Variants in RFX1 observed in about 807,000 individuals in gnomAD.
RFX1 encodes regulatory factor X1.
In RFX1, 42 loss-of-function variants were observed where a neutral mutation model predicts 119.6. The ratio of observed to expected loss-of-function variants is 0.35; its 90% CI spans 0.27 to 0.45. RFX1 has a LOEUF of 0.45. RFX1 is among the 20% of genes least tolerant of loss of function. The pLI, the probability that RFX1 is intolerant of heterozygous loss-of-function variation, is 1.00. For synonymous variants in RFX1, 628 were observed against 618.5 expected, an observed-to-expected ratio of 1.02 and a Z score of -0.23; for missense variants, 1,118 against 1,368.1, an observed-to-expected ratio of 0.82 and a Z score of 2.88.
chr19:13,981,023 AT>A (rs1974414960), intron 5 of RFX1, among the ~76,000 whole-genome samples: 2 of 152,292 alleles, frequency 1.3e-5, no homozygotes, highest in East Asian at 3.9e-4. Flanking sequence ...CTGGTGTGAT[AT>A]TGGGCCGACT....
At chr19:13,963,330 TCCCCCTCCCCGCTGCGATG>T in intron 18 of RFX1, 55 bp from the exon 19 acceptor site, 1 of 1,548,580 alleles carries the variant, frequency 6.5e-7, no homozygotes, top group East Asian at 2.4e-5. Context: ...CGACCCCCTC[TCCCCCTCCCCGCTGCGATG>T]CGCCCGGGCC....
At chr19:13,981,519 C>A (rs139977258) in intron 5 of RFX1, among the ~76,000 whole-genome samples, 6 of 152,296 alleles carry the variant, frequency 3.9e-5, no homozygotes, top group African/African-American at 1.4e-4. Context: ...TCGCTTGAAC[C>A]CAGGAGTCGG....
intron 2 of RFX1, among the ~76,000 whole-genome samples, chr19:13,987,144 C>A (rs539306190): frequency 6.6e-6 from 1 of 152,230 alleles, no homozygotes; most frequent in Non-Finnish European, 1.5e-5. Flanking sequence ...GCCCCTCCTT[C>A]GGGGCGGCCC....
intron 2 of RFX1, among the ~76,000 whole-genome samples, chr19:13,984,657 G>C (rs1428577561): frequency 1.3e-5 from 2 of 152,160 alleles, no homozygotes; most frequent in Non-Finnish European, 2.9e-5. Context: ...AGAGGCCGAG[G>C]TGGGGCTGGG....
intron 8 of RFX1, among the ~76,000 whole-genome samples, chr19:13,973,966 A>T (rs553683727): frequency 5.9e-5 from 9 of 151,504 alleles, no homozygotes; most frequent in Admixed American, 1.3e-4. Context: ...AAAAAAAAAT[A>T]CCGAAGGGTT....
rs751876803 is a variant in RFX1 at position 13,963,009 on chromosome 19, G to T, written c.2755C>A (p.Leu919Met). Residue 919 changes from leucine (L) to methionine (M), a missense_variant, in exon 20 of 21, where the codon CTG (leucine) becomes ATG (methionine). Leu to Met is a conservative substitution (Grantham distance 15, BLOSUM62 2). Coordinates refer to ENST00000254325, the MANE Select transcript of RFX1 (RefSeq NM_002918.5). ...FANLATSLNP[L>M]DPDKDEEEEE... ...CCTCGCCTACCTTTGTCGGGGTCCA[G>T]GGGGTTCAGGGAGGTGGCCAGATTG... is the stretch of plus-strand genomic sequence containing the variant. 1 of 1,552,786 alleles carries T rather than the reference G, an allele frequency of 6.4e-7. No homozygotes were observed. The highest frequency in any genetic ancestry group is 8.7e-7 in the Non-Finnish European group (1 of 1,147,706).
At chr19:13,998,012 CGG>C (rs1023897964) in intron 1 of RFX1, 3 of 152,240 alleles carry the variant, frequency 2.0e-5, no homozygotes, top group African/African-American at 7.2e-5. Context: ...TGGCCCAGCT[CGG>C]GTACTCAAGT....
chr19:14,005,884 T>G (rs1414808639), intron 1 of RFX1, among the ~76,000 whole-genome samples: 3 of 150,478 alleles, frequency 2.0e-5, no homozygotes, highest in African/African-American at 7.4e-5. Flanking sequence ...GCCGCGGGCC[T>G]GCGAGCGCCC....
intron 1 of RFX1, among the ~76,000 whole-genome samples, chr19:13,995,976 TG>T (rs1238340799): frequency 7.9e-5 from 12 of 151,676 alleles, no homozygotes; most frequent in African/African-American, 2.9e-4. Context: ...TGCAGAGAGC[TG>T]TGAGCCGAGA....
intron 2 of RFX1, among the ~76,000 whole-genome samples, chr19:13,987,579 C>T (rs1376972240): frequency 6.6e-6 from 1 of 151,968 alleles, no homozygotes; most frequent in Non-Finnish European, 1.5e-5. Context: ...CCCGGCCACC[C>T]TTAGATGAGG....
intron 20 of RFX1, 55 bp downstream of exon 20, chr19:13,962,939 C>T: frequency 1.3e-6 from 2 of 1,547,502 alleles, no homozygotes; most frequent in Admixed American, 2.0e-5. Flanking sequence ...CCGAGCCCCT[C>T]CGTTGTCCGC....
Position 13,990,488 on chromosome 19 carries a change from C to T in RFX1, c.319+3037G>A, listed in dbSNP as rs1320017967. On this transcript the variant is annotated intron_variant, in intron 2 of 20. Coordinates refer to ENST00000254325, the MANE Select transcript of RFX1 (RefSeq NM_002918.5). The surrounding 1 kb of genome is among the most constrained non-coding windows in gnomAD (Gnocchi z 4.1). ...TTGAGGCCAGGAGTTCAAGACCAGCCTGGGCAACATAGTGAGACTCTGTCT... is the reference window on the plus strand; with the variant it reads ...TTGAGGCCAGGAGTTCAAGACCAGCTTGGGCAACATAGTGAGACTCTGTCT... Among the ~76,000 whole-genome samples, 1 of 151,438 alleles carries T rather than the reference C, an allele frequency of 6.6e-6. No individual in the cohort carries two copies. The highest frequency in any genetic ancestry group is 1.5e-5 in the Non-Finnish European group (1 of 67,836).
At position 13,980,260 on chromosome 19, in the gene RFX1, C is replaced by T. The variant is rs562105841; in HGVS notation, c.738+313G>A. Among the ~76,000 whole-genome samples, 14 of 152,224 alleles carry T rather than the reference C, an allele frequency of 9.2e-5. No homozygotes were observed. The East Asian group carries it at 2.3e-3, about 25-fold the overall frequency. On this transcript the variant is annotated intron_variant, in intron 6 of 20. Transcript: ENST00000254325. The surrounding 1 kb of genome is among the most constrained non-coding windows in gnomAD (Gnocchi z 5.1). ...TCCCCAGAAGGAGCCAGGATGTGGC[C>T]TCGGGGCTTCCTTCAGGCAAATGGG...
At chr19:14,004,643 A>G (rs1393728453) in intron 1 of RFX1, among the ~76,000 whole-genome samples, 1 of 152,162 alleles carries the variant, frequency 6.6e-6, no homozygotes, top group African/African-American at 2.4e-5. Context: ...AGGCCTAGAA[A>G]AAGTACCTGG....
At chr19:14,002,367 C>G (rs1975245789) in intron 1 of RFX1, among the ~76,000 whole-genome samples, 1 of 150,518 alleles carries the variant, frequency 6.6e-6, no homozygotes. Context: ...CATCTGTAAT[C>G]CCAGCTACTC....
intron 7 of RFX1, 111 bp from the exon 8 acceptor site, chr19:13,978,197 C>G: frequency 1.4e-6 from 1 of 718,750 alleles, no homozygotes; most frequent in Non-Finnish European, 2.3e-6. Context: ...GCTCCCGGAC[C>G]CAAGGGTGGC....
chr19:13,964,192 C>G, intron 16 of RFX1, 185 bp from the exon 17 acceptor site: 1 of 583,664 alleles, frequency 1.7e-6, no homozygotes, highest in Non-Finnish European at 3.0e-6. Context: ...CACTCACAAG[C>G]GCCCCCCAAA....
rs903767118 is a variant in RFX1 at position 13,961,930 on chromosome 19, C to T, written c.*765G>A. On this transcript the variant is annotated 3_prime_UTR_variant, in exon 21 of 21. Transcript: ENST00000254325. ...CGGCACGGAGGAGAAGCGTGGTCTC[C>T]GGGAAGATAGGGGCACAGAAAAGGT... 2 of 152,110 alleles carry T rather than the reference C, an allele frequency of 1.3e-5. No homozygotes were observed. Among genetic ancestry groups the T allele is most frequent in the East Asian group, 1.9e-4 (1 of 5,180 alleles). The allele number at this position is 152,110 out of a possible 1,614,324, so 9.4% of individuals were successfully genotyped here.
At chr19:13,964,761 A>G (rs559414608) in intron 16 of RFX1, among the ~76,000 whole-genome samples, 89 of 152,302 alleles carry the variant, frequency 5.8e-4, no homozygotes, top group African/African-American at 1.9e-3. Context: ...GATTACAGGC[A>G]TGAGCCACTA....
Sources: allele counts gnomAD v4.1 joint callset (sites outside exome capture counted in the v4.1 genomes callset), GRCh38; gene constraint gnomAD v4.1.1; non-coding constraint Gnocchi (gnomAD v3.1); transcripts MANE v1.5; gene names NCBI Gene and HGNC (gene_info 2026-07-23, HGNC 2026-07-21).